RYR1: variants seen among roughly 807,000 people sequenced by gnomAD.
RYR1 encodes central core disease of muscle.
RYR1 carries 342 observed loss-of-function variants against 583.5 expected under a neutral mutation model. The ratio of observed to expected loss-of-function variants is 0.59; its 90% confidence interval spans 0.54 to 0.64. The LOEUF (loss-of-function observed/expected upper bound fraction) is 0.64, where lower values mean the gene tolerates loss of function less well. RYR1 is among the 30% of genes least tolerant of loss of function. The pLI is 0.00. For synonymous variants in RYR1, 2,791 were observed against 2,822.5 expected (o/e 0.99, Z 0.35); for missense variants, 6,032 against 6,917.2 (o/e 0.87, Z 4.54).
intron 84 of RYR1, chr19:38,538,447 C>G (rs554168898): frequency 1.1e-5 from 2 of 179,910 alleles, no homozygotes; most frequent in South Asian, 2.4e-4. Flanking sequence ...CTTTGTTTCC[C>G]CCTCATCTCC....
Position 38,455,642 on chromosome 19 carries a change from A to G in RYR1, c.1682A>G (p.Glu561Gly). 6.2e-7 allele frequency: 1 copy of G among 1,613,526 alleles called. No homozygotes were observed. The highest frequency in any genetic ancestry group is 8.5e-7 in the Non-Finnish European group (1 of 1,179,516). Reference protein sequence around the residue: ...DRLEASSGILEVLYCVLIESP... With the variant: ...DRLEASSGILGVLYCVLIESP... ...CTGGGCACCCTGGCAGGCATCCTGG[A>G]GGTCCTGTACTGTGTCCTCATTGAG... Residue 561 changes from glutamate (E) to glycine (G), a missense_variant, in exon 16 of 106, where the codon GAG (glutamate) becomes GGG (glycine). By Grantham distance (98) the Glu-to-Gly change is moderately conservative. Coordinates refer to ENST00000359596, the MANE Select transcript of RYR1 (RefSeq NM_000540.3).
intron 58 of RYR1, among the ~76,000 whole-genome samples, chr19:38,510,022 T>A (rs1394605521): frequency 6.6e-6 from 1 of 152,156 alleles, no homozygotes; most frequent in African/African-American, 2.4e-5. Context: ...AAGGGTTTGA[T>A]CAAGGAGTTG....
At position 38,469,414 on chromosome 19, in the gene RYR1, C is replaced by T. The variant is rs781238780; in HGVS notation, c.3666C>T (p.Phe1222=). 1.8e-5 allele frequency: 29 copies of T among 1,614,036 alleles called. No homozygotes were observed. Among genetic ancestry groups the T allele is most frequent in the Middle Eastern group, 1.6e-4 (1 of 6,084 alleles). Residue 1222 remains phenylalanine, a synonymous_variant, in exon 27 of 106, where the codon TTC becomes TTT. Coordinates refer to ENST00000359596, the MANE Select transcript of RYR1 (RefSeq NM_000540.3). ...CCATCTGTGGCCTCCAGGAAGGCTTCGAGCCATTTGCCATCAACATGCAGC... is the reference window on the plus strand; with the variant it reads ...CCATCTGTGGCCTCCAGGAAGGCTTTGAGCCATTTGCCATCAACATGCAGC... ...FFAICGLQEG[F]EPFAINMQRP...
chr19:38,444,294 C>T lies in RYR1; in HGVS notation c.537+33C>T, dbSNP rs373866741. 322 of 1,538,674 alleles carry T rather than the reference C, an allele frequency of 2.1e-4. No homozygotes were observed. The highest frequency in any genetic ancestry group is 2.6e-4 in the Non-Finnish European group (286 of 1,114,204). ...ATTGCGGTTCCTCCTGCTCCCAGGT[C>T]TGGGGGCGCATGGGATGGTCCCCAT... On this transcript the variant is annotated intron_variant, in intron 6 of 105. Coordinates refer to ENST00000359596, the MANE Select transcript of RYR1 (RefSeq NM_000540.3). The surrounding 1 kb of genome is among the most constrained non-coding windows in gnomAD (Gnocchi z 5.1).
intron 36 of RYR1, 117 bp downstream of exon 36, chr19:38,490,393 G>C: frequency 9.7e-7 from 1 of 1,030,386 alleles, no homozygotes. Context: ...CCTGACCCTA[G>C]TGATACATTT....
Position 38,512,472 on chromosome 19 carries a change from A to G in RYR1, c.9461A>G (p.Asp3154Gly). Reference sequence around the variant, plus strand: ...CACATCGCCCAGCACCAGTTCGGAGATGACGTCATCCGTAAGGGCGCCTGA... The same window carrying G: ...CACATCGCCCAGCACCAGTTCGGAGGTGACGTCATCCGTAAGGGCGCCTGA... ...FQHIAQHQFG[D>G]DVILDDVQVS... The change falls in exon 63 of 106, where the codon GAT becomes GGT. Residue 3154 changes from aspartate (D) to glycine (G), a missense_variant. Asp to Gly is a moderately conservative substitution (Grantham distance 94). Coordinates refer to ENST00000359596, the MANE Select transcript of RYR1 (RefSeq NM_000540.3). The surrounding 1 kb of genome is among the most constrained non-coding windows in gnomAD (Gnocchi z 5.1). The G allele has an allele frequency of 6.2e-7, 1 of 1,611,772 alleles. No individual in the cohort carries two copies. The highest frequency in any genetic ancestry group is 8.5e-7 in the Non-Finnish European group (1 of 1,180,014).
At chr19:38,532,265 G>A (rs1196193996) in intron 76 of RYR1, among the ~76,000 whole-genome samples, 1 of 152,114 alleles carries the variant, frequency 6.6e-6, no homozygotes, top group Admixed American at 6.6e-5. Context: ...GGGATTACAG[G>A]CAAGCACCAT....
Position 38,467,628 on chromosome 19 carries a change from C to T in RYR1, c.3197C>T (p.Ser1066Phe). 2 of 1,614,072 alleles carry T rather than the reference C, an allele frequency of 1.2e-6. No individual in the cohort carries two copies. The highest frequency in any genetic ancestry group is 8.5e-7 in the Non-Finnish European group (1 of 1,180,042). The change falls in exon 25 of 106, where the codon TCT becomes TTT. Residue 1066 changes from serine to phenylalanine, a missense_variant. Coordinates refer to ENST00000359596, the MANE Select transcript of RYR1 (RefSeq NM_000540.3). ...DQEPSQVENQ[S>F]RCDRVRIFRA... Reference sequence around the variant, plus strand: ...TTTATAGGTCAGGTGGAGAACCAGTCTCGTTGTGACCGGGTGCGCATCTTC... The same window carrying T: ...TTTATAGGTCAGGTGGAGAACCAGTTTCGTTGTGACCGGGTGCGCATCTTC...
Position 38,505,297 on chromosome 19 carries a change from C to T in RYR1, c.8311-12C>T, listed in dbSNP as rs1970393092. ...CTGCCTCCCCCTCACCCTGCCTCCC[C>T]TCCATCTCTAGATCCAGAACAACTG... On this transcript the variant is annotated splice_polypyrimidine_tract_variant and intron_variant, in intron 52 of 105. Coordinates refer to ENST00000359596, the MANE Select transcript of RYR1 (RefSeq NM_000540.3). 1.3e-6 allele frequency: 2 copies of T among 1,596,320 alleles called. No individual in the cohort carries two copies. The highest frequency in any genetic ancestry group is 8.6e-7 in the Non-Finnish European group (1 of 1,166,150).
At chr19:38,455,828 C>T in intron 16 of RYR1, 77 bp downstream of exon 16, 1 of 881,838 alleles carries the variant, frequency 1.1e-6, no homozygotes, top group South Asian at 1.3e-5. Context: ...GAACTCTGCT[C>T]ACTCCCTCAC....
Position 38,496,040 on chromosome 19 carries a change from C to T in RYR1, c.6549-175C>T, listed in dbSNP as rs558329197. 1.3e-5 allele frequency among the ~76,000 whole-genome samples: 2 copies of T among 152,252 alleles called. No homozygotes were observed. The highest frequency in any genetic ancestry group is 2.9e-5 in the Non-Finnish European group (2 of 68,006). ...GGCCTCCCAAAGTGCTGGGATTACACGCATGAGCCACCGCACCCGGCCAGC... is the reference window on the plus strand; with the variant it reads ...GGCCTCCCAAAGTGCTGGGATTACATGCATGAGCCACCGCACCCGGCCAGC... On this transcript the variant is annotated intron_variant, in intron 39 of 105. Coordinates refer to ENST00000359596, the MANE Select transcript of RYR1 (RefSeq NM_000540.3). The surrounding 1 kb of genome is among the most constrained non-coding windows in gnomAD (Gnocchi z 4.8).
rs1210346687 is a variant in RYR1 at position 38,587,471 on chromosome 19, G to A, written c.*51G>A. 3 of 1,364,534 alleles carry A rather than the reference G, an allele frequency of 2.2e-6. No homozygotes were observed. The highest frequency in any genetic ancestry group is 1.8e-4 in the Middle Eastern group (1 of 5,616). 84.5% of individuals were successfully genotyped at this position (1,364,534 alleles called of 1,614,324 possible). ...CCACCTCAAGTGCCTTATTCTCACA[G>A]CAAGCCCCTTAGTCCCCAAGCCCCT... is the stretch of plus-strand genomic sequence containing the variant. On this transcript the variant is annotated 3_prime_UTR_variant, in exon 106 of 106. Transcript: ENST00000359596.
chr19:38,468,226 T>C (rs1968229446), intron 25 of RYR1, among the ~76,000 whole-genome samples: 1 of 151,810 alleles, frequency 6.6e-6, no homozygotes, highest in South Asian at 2.1e-4. Context: ...CATCCATCCA[T>C]CCATCCATCC....
chr19:38,516,504 C>T (rs1185160225), intron 65 of RYR1, among the ~76,000 whole-genome samples: 1 of 152,162 alleles, frequency 6.6e-6, no homozygotes, highest in Non-Finnish European at 1.5e-5. Context: ...GTGGGTCACG[C>T]CTGTAATCCC....
At chr19:38,525,222 G>A (rs1568537476) in intron 70 of RYR1, 110 bp from the exon 71 acceptor site, 3 of 1,280,640 alleles carry the variant, frequency 2.3e-6, no homozygotes, top group African/African-American at 2.9e-5. Context: ...CAGTTGGGGA[G>A]GGAGTGCCTG....
chr19:38,507,101 G>A (rs2145639661), intron 57 of RYR1, 149 bp downstream of exon 57: 1 of 1,318,360 alleles, frequency 7.6e-7, no homozygotes, highest in East Asian at 2.9e-5. Flanking sequence ...AAGGGAGTGG[G>A]GCCTGGACAC....
At chr19:38,458,406 T>A in intron 18 of RYR1, 114 bp downstream of exon 18, 4 of 1,082,544 alleles carry the variant, frequency 3.7e-6, no homozygotes, top group Non-Finnish European at 4.2e-6. Flanking sequence ...AAAGGTCAAC[T>A]TTTGACCTTT....
At chr19:38,493,516 G>GTTTTTTT (rs58975597) in intron 38 of RYR1, among the ~76,000 whole-genome samples, 1 of 115,748 alleles carries the variant, frequency 8.6e-6, no homozygotes, top group Non-Finnish European at 1.7e-5. Flanking sequence ...TTTCTTTTTC[G>GTTTTTTT]TTTTTTTTTT....
At position 38,490,231 on chromosome 19, in the gene RYR1, G is replaced by A. The variant is rs1371461616; in HGVS notation, c.5970G>A (p.Glu1990=). ...LIKAFSMTAA[E]TARRTREFRS... ...AAGCCTTCAGCATGACCGCAGCAGA[G>A]ACTGCAAGACGTACCCGCGAGTTCC... Residue 1990 remains glutamate, a synonymous_variant, in exon 36 of 106, where the codon GAG becomes GAA. Transcript: ENST00000359596. 6 of 1,614,080 alleles carry A rather than the reference G, an allele frequency of 3.7e-6. No individual in the cohort carries two copies.
Sources: gnomAD v4.1 joint callset for allele counts (sites outside exome capture counted in the v4.1 genomes callset) on GRCh38, gnomAD v4.1.1 for gene constraint, Gnocchi (gnomAD v3.1) non-coding constraint, MANE v1.5 for transcripts, NCBI Gene and HGNC (gene_info 2026-07-23, HGNC 2026-07-21) for gene names.